Variants in TJP1 observed in about 807,000 individuals in gnomAD.
TJP1 encodes tight junction protein 1.
A neutral mutation model predicts 194.2 loss-of-function variants in TJP1; 43 were observed. The ratio of observed to expected loss-of-function variants is 0.22; its 90% CI spans 0.17 to 0.29. The LOEUF (loss-of-function observed/expected upper bound fraction) is 0.29, where lower values mean the gene tolerates loss of function less well. Ranked by LOEUF, TJP1 falls within the 10% of genes least tolerant of loss-of-function variation. The pLI is 1.00. For missense variants in TJP1, 1,971 were observed against 2,185.7 expected, an observed-to-expected ratio of 0.90 and a Z score of 1.96; for synonymous variants, 801 against 779.0, an observed-to-expected ratio of 1.03 and a Z score of -0.47.
At chr15:29,719,698 C>CTCT in intron 20 of TJP1, 79 bp downstream of exon 20, 1 of 1,547,448 alleles carries the variant, frequency 6.5e-7, no homozygotes, top group Non-Finnish European at 8.7e-7. Context: ...AAAAGGAACA[C>CTCT]TTAAAGGGCA....
chr15:29,731,815 AAG>A (rs1491097998), intron 15 of TJP1, among the ~76,000 whole-genome samples: 1 of 152,128 alleles, frequency 6.6e-6, no homozygotes, highest in Non-Finnish European at 1.5e-5. Context: ...AAAAAAAAAA[AAG>A]AAAGTAAATA....
chr15:29,806,691 T>C (rs148729570), intron 1 of TJP1, among the ~76,000 whole-genome samples: 4 of 152,298 alleles, frequency 2.6e-5, no homozygotes, highest in Non-Finnish European at 5.9e-5. Flanking sequence ...AAGGACAAGG[T>C]AGGTTTCAGT....
chr15:29,810,071 C>T (rs1030059717), intron 1 of TJP1, among the ~76,000 whole-genome samples: 1 of 152,086 alleles, frequency 6.6e-6, no homozygotes, highest in Non-Finnish European at 1.5e-5. Flanking sequence ...ATCTGAAATG[C>T]TCCAAAGAGA....
At chr15:29,745,638 T>C (rs45464497) in intron 8 of TJP1, among the ~76,000 whole-genome samples, 7 of 152,202 alleles carry the variant, frequency 4.6e-5, no homozygotes, top group South Asian at 4.1e-4. Flanking sequence ...ATTAAAAATT[T>C]TGAACAACAC....
At chr15:29,730,076 C>A (rs933969032) in intron 15 of TJP1, among the ~76,000 whole-genome samples, 2 of 151,850 alleles carry the variant, frequency 1.3e-5, no homozygotes, top group Non-Finnish European at 2.9e-5. Context: ...CCAAAAATTG[C>A]AGGATAAAAT....
intron 4 of TJP1, among the ~76,000 whole-genome samples, chr15:29,769,805 T>C (rs952913869): frequency 1.3e-5 from 2 of 152,170 alleles, no homozygotes; most frequent in East Asian, 1.9e-4. Flanking sequence ...GCAGATACAA[T>C]ATGTACAGAA....
intron 1 of TJP1, among the ~76,000 whole-genome samples, chr15:29,804,723 A>G (rs1294978175): frequency 6.6e-6 from 1 of 152,188 alleles, no homozygotes; most frequent in Non-Finnish European, 1.5e-5. Flanking sequence ...TGCACAAGGG[A>G]TAACTGCATA....
chr15:29,782,702 A>G (rs1432607798), intron 2 of TJP1, among the ~76,000 whole-genome samples: 1 of 152,174 alleles, frequency 6.6e-6, no homozygotes, highest in Non-Finnish European at 1.5e-5. Context: ...AATGGAATCT[A>G]ATTAAACTAA....
In TJP1 at chr15:29,718,172, TA is replaced by T. The variant is rs45537936; in HGVS notation, c.3877-55del. ...CAAATATGCCTAAGGAACAGATAAT[TA>T]ACAGAATAGATATCATGTAATGGCG... On this transcript the variant is annotated intron_variant, in intron 21 of 27. Coordinates refer to ENST00000614355, the MANE Select transcript of TJP1 (RefSeq NM_001330239.4). 6.6e-3 allele frequency: 10,424 copies of T among 1,581,474 alleles called. 527 individuals carry two copies. In the African/African-American group the frequency reaches 0.12, roughly 18 times the overall value.
chr15:29,735,874 C>A (rs1190431585), intron 11 of TJP1, among the ~76,000 whole-genome samples: 3 of 151,970 alleles, frequency 2.0e-5, no homozygotes, highest in African/African-American at 7.3e-5. Context: ...GAGGAGGATT[C>A]AATGAGAAAA....
At chr15:29,699,787 G>A (rs962285874), downstream of TJP1, 2 of 153,124 alleles carry the variant, frequency 1.3e-5, no homozygotes, top group Non-Finnish European at 2.9e-5. Flanking sequence ...CAATGCCCGT[G>A]CTATTTATCT....
intron 9 of TJP1, among the ~76,000 whole-genome samples, chr15:29,741,700 T>G (rs1478157580): frequency 6.6e-6 from 1 of 152,152 alleles, no homozygotes; most frequent in Admixed American, 6.5e-5. Flanking sequence ...AAAATAGATA[T>G]GAGAAGAGAG....
intron 8 of TJP1, among the ~76,000 whole-genome samples, chr15:29,755,661 C>A (rs2045596475): frequency 1.3e-5 from 2 of 152,148 alleles, no homozygotes. Flanking sequence ...CAGAACTAAC[C>A]ATTTTCGTAA....
intron 8 of TJP1, among the ~76,000 whole-genome samples, chr15:29,756,411 T>G (rs1480614853): frequency 1.3e-5 from 2 of 152,236 alleles, no homozygotes; most frequent in Non-Finnish European, 2.9e-5. Flanking sequence ...GGAAACTTTT[T>G]CTGTAATTGA....
At chr15:29,928,290 ATTAGTAG>A (rs1186651126) in intron 2 of TJP1, among the ~76,000 whole-genome samples, 1 of 152,230 alleles carries the variant, frequency 6.6e-6, no homozygotes, top group African/African-American at 2.4e-5. Flanking sequence ...GCTCAATATC[ATTAGTAG>A]TTAGGGAGAT....
intron 18 of TJP1, among the ~76,000 whole-genome samples, chr15:29,723,587 C>T (rs1444835381): frequency 6.6e-6 from 1 of 152,188 alleles, no homozygotes; most frequent in Non-Finnish European, 1.5e-5. Context: ...CTAAAACAAC[C>T]TGTTAAACAT....
chr15:29,891,607 C>T (rs1462255949), intron 2 of TJP1, among the ~76,000 whole-genome samples: 1 of 152,196 alleles, frequency 6.6e-6, no homozygotes, highest in Non-Finnish European at 1.5e-5. Context: ...TTCCATGTCA[C>T]CTTTTGGTCA....
At chr15:29,804,695 A>G (rs1240302886) in intron 1 of TJP1, among the ~76,000 whole-genome samples, 1 of 152,070 alleles carries the variant, frequency 6.6e-6, no homozygotes, top group Non-Finnish European at 1.5e-5. Context: ...CTTGCTTGTC[A>G]TTTTCTCATT....
intron 2 of TJP1, among the ~76,000 whole-genome samples, chr15:29,942,812 G>A (rs1333126372): frequency 6.6e-6 from 1 of 152,244 alleles, no homozygotes; most frequent in African/African-American, 2.4e-5. Context: ...GCAAGGGCAG[G>A]CCCGGGGGGA....
Sources: gnomAD v4.1 joint callset for allele counts (sites outside exome capture counted in the v4.1 genomes callset) on GRCh38, gnomAD v4.1.1 for gene constraint, MANE v1.5 for transcripts, NCBI Gene and HGNC (gene_info 2026-07-23, HGNC 2026-07-21) for gene names.